Variants in EXOC4 observed in about 807,000 individuals in gnomAD.
EXOC4 encodes SEC8-like 1.
EXOC4 carries 71 observed loss-of-function variants against 107.2 expected under a neutral mutation model. The ratio of observed to expected loss-of-function variants is 0.66; its 90% CI spans 0.55 to 0.81. The LOEUF (loss-of-function observed/expected upper bound fraction) is 0.81. EXOC4 is among the 30% of genes least tolerant of loss of function. EXOC4 has a pLI of 0.00. For missense variants in EXOC4, 1,108 were observed against 1,189.6 expected (o/e 0.93, Z 1.01); for synonymous variants, 456 against 441.2 (o/e 1.03, Z -0.42).
chr7:133,869,599 A>G (rs1371671004), intron 11 of EXOC4, among the ~76,000 whole-genome samples: 1 of 152,204 alleles, frequency 6.6e-6, no homozygotes, highest in African/African-American at 2.4e-5. Context: ...ATTGTTCTGG[A>G]AAAAGAATTT....
At chr7:133,554,863 A>G (rs766642211) in intron 9 of EXOC4, among the ~76,000 whole-genome samples, 1 of 152,218 alleles carries the variant, frequency 6.6e-6, no homozygotes, top group Non-Finnish European at 1.5e-5. Context: ...CTTGCACATT[A>G]CATGTAGTAA....
intron 10 of EXOC4, among the ~76,000 whole-genome samples, chr7:133,717,085 A>C (rs1795013125): frequency 6.6e-6 from 1 of 152,234 alleles, no homozygotes; most frequent in Non-Finnish European, 1.5e-5. Context: ...TTTTTAAAAA[A>C]ATTGGTATCC....
rs1189289556 is a variant in EXOC4 at position 133,463,793 on chromosome 7, GGGAAGAA to G, written c.1183-11524_1183-11518del. 1.3e-5 allele frequency among the ~76,000 whole-genome samples: 2 copies of G among 152,064 alleles called. 1 individual carries two copies. Among genetic ancestry groups the G allele is most frequent in the South Asian group, 4.1e-4 (2 of 4,820 alleles). Reference sequence around the variant, plus strand: ...TTGAGATCTTTATTGTAGCGCAAAGGGGAAGAAGGAAGAAGGAGAAGAATGATAACTT... The same window carrying G: ...TTGAGATCTTTATTGTAGCGCAAAGGGGAAGAAGGAGAAGAATGATAACTT... On this transcript the variant is annotated intron_variant, in intron 7 of 17. Coordinates refer to ENST00000253861, the MANE Select transcript of EXOC4 (RefSeq NM_021807.4).
At chr7:133,745,772 T>G (rs1349999890) in intron 10 of EXOC4, among the ~76,000 whole-genome samples, 1 of 151,116 alleles carries the variant, frequency 6.6e-6, no homozygotes, top group Non-Finnish European at 1.5e-5. Context: ...ATAGTATTGG[T>G]CTATTTAGTT....
At chr7:133,602,480 A>G (rs941818293) in intron 9 of EXOC4, among the ~76,000 whole-genome samples, 7 of 152,172 alleles carry the variant, frequency 4.6e-5, no homozygotes, top group Non-Finnish European at 7.3e-5. Flanking sequence ...TCTTGTCAGT[A>G]TCAGTGGCAT....
At chr7:133,961,897 C>T (rs1333048077) in intron 14 of EXOC4, among the ~76,000 whole-genome samples, 1 of 152,226 alleles carries the variant, frequency 6.6e-6, no homozygotes, top group Non-Finnish European at 1.5e-5. Flanking sequence ...GTGGTCTATG[C>T]ACTCTAATGT....
At chr7:133,857,383 C>G (rs568193464) in intron 11 of EXOC4, among the ~76,000 whole-genome samples, 165 of 99,182 alleles carry the variant, frequency 1.7e-3, no homozygotes, top group African/African-American at 6.0e-3. Context: ...TCTACTTAAC[C>G]TCCCTGGATG....
At chr7:133,895,555 T>C in intron 11 of EXOC4, 44 bp from the exon 12 acceptor site, 1 of 1,596,774 alleles carries the variant, frequency 6.3e-7, no homozygotes, top group Non-Finnish European at 8.6e-7. Flanking sequence ...TCCAACACAT[T>C]GACTACAGAA....
In EXOC4 at chr7:133,648,463, T is replaced by A. The variant is rs181368441; in HGVS notation, c.1514+18322T>A. ...TTTTTTCCATGAGATATGTGCAATA[T>A]AATATTGTTCTCAAATATTTTAGTC... On this transcript the variant is annotated intron_variant, in intron 10 of 17. Transcript: ENST00000253861. Among the ~76,000 whole-genome samples, 725 of 152,334 alleles carry A rather than the reference T, an allele frequency of 4.8e-3. 3 individuals are homozygous for A. The highest frequency in any genetic ancestry group is 0.017 in the Middle Eastern group (5 of 294).
intron 13 of EXOC4, among the ~76,000 whole-genome samples, chr7:133,929,079 C>T (rs566391968): frequency 2.6e-5 from 4 of 151,978 alleles, no homozygotes; most frequent in South Asian, 2.1e-4. Context: ...ACTACAGGCA[C>T]GCACCGCCAC....
At chr7:133,799,092 C>A (rs56303058) in intron 10 of EXOC4, among the ~76,000 whole-genome samples, 17,869 of 152,146 alleles carry the variant, frequency 0.12, 1,138 homozygotes, top group Middle Eastern at 0.15. Context: ...AATCAGATAT[C>A]ATCATGATTA....
At chr7:134,080,913 A>T in the EXOC4 span, among the ~76,000 whole-genome samples, 2 of 152,116 alleles carry the variant, frequency 1.3e-5, no homozygotes, top group African/African-American at 4.8e-5. Context: ...GCTACTGCAG[A>T]GGGCAACAGA....
chr7:133,390,750 C>A (rs1796834424), intron 7 of EXOC4, among the ~76,000 whole-genome samples: 1 of 152,206 alleles, frequency 6.6e-6, no homozygotes, highest in Non-Finnish European at 1.5e-5. Context: ...TATATGTAAT[C>A]ATTTCAAAAG....
intron 11 of EXOC4, among the ~76,000 whole-genome samples, chr7:133,836,825 A>G (rs1307101761): frequency 2.6e-5 from 4 of 152,084 alleles, no homozygotes; most frequent in African/African-American, 4.8e-5. Context: ...TTTATGTTGG[A>G]TGCTTTATTT....
rs115292323 is a variant in EXOC4, at chr7:133,532,845, G to A, written c.1417+52707G>A. On this transcript the variant is annotated intron_variant, in intron 9 of 17. Transcript: ENST00000253861. ...AATAAAGGATAATTTAAACAATTAC[G>A]TGTGAGAAATAACTATTTACTGAAC... Among the ~76,000 whole-genome samples, 784 of 152,156 alleles carry A rather than the reference G, an allele frequency of 5.2e-3. 8 individuals are homozygous for A. Among genetic ancestry groups the A allele is most frequent in the African/African-American group, 0.018 (735 of 41,530 alleles).
chr7:133,730,643 C>G (rs891631831), intron 10 of EXOC4, among the ~76,000 whole-genome samples: 2 of 152,104 alleles, frequency 1.3e-5, no homozygotes, highest in Non-Finnish European at 2.9e-5. Context: ...GCCTTCCTTC[C>G]TCTATTACTT....
At chr7:133,277,191 A>G (rs1243156522) in intron 2 of EXOC4, among the ~76,000 whole-genome samples, 4 of 152,158 alleles carry the variant, frequency 2.6e-5, no homozygotes, top group Admixed American at 2.0e-4. Flanking sequence ...AGTTCATCCT[A>G]TGGATTTATC....
intron 10 of EXOC4, among the ~76,000 whole-genome samples, chr7:133,691,737 G>A (rs1438523034): frequency 6.6e-6 from 1 of 152,162 alleles, no homozygotes; most frequent in Non-Finnish European, 1.5e-5. Flanking sequence ...AAATTAGGTG[G>A]CCACTTTGAG....
At chr7:133,796,230 G>C (rs1410354769) in intron 10 of EXOC4, among the ~76,000 whole-genome samples, 1 of 152,112 alleles carries the variant, frequency 6.6e-6, no homozygotes, top group African/African-American at 2.4e-5. Flanking sequence ...TCAGATGAAA[G>C]AACTGTTTTT....
Sources: gnomAD v4.1 joint callset for allele counts (sites outside exome capture counted in the v4.1 genomes callset) on GRCh38, gnomAD v4.1.1 for gene constraint, MANE v1.5 for transcripts, NCBI Gene and HGNC (gene_info 2026-07-23, HGNC 2026-07-21) for gene names.